SDK2: variants seen among roughly 807,000 people sequenced by gnomAD.
SDK2 encodes the protein sidekick cell adhesion molecule 2, also known as protein sidekick-2.
SDK2 carries 105 observed loss-of-function variants against 253.9 expected under a neutral mutation model. The observed-to-expected ratio is 0.41, with a 90% CI of 0.35 to 0.49. The LOEUF is 0.49. Among genes scored for constraint, SDK2 ranks in the 20% least tolerant of loss-of-function variants. SDK2 has a pLI of 0.06. For missense variants in SDK2, 2,608 were observed against 3,003.0 expected (o/e 0.87, Z 3.07); for synonymous variants, 1,249 against 1,234.9 (o/e 1.01, Z -0.24).
intron 18 of SDK2, among the ~76,000 whole-genome samples, chr17:73,413,761 A>T (rs2063157726): frequency 6.6e-6 from 1 of 152,236 alleles, no homozygotes; most frequent in Non-Finnish European, 1.5e-5. Flanking sequence ...CGGTGCGAGC[A>T]GTGCATAGAG....
intron 1 of SDK2, among the ~76,000 whole-genome samples, chr17:73,515,449 C>T (rs764758519): frequency 1.3e-5 from 2 of 152,136 alleles, no homozygotes; most frequent in Non-Finnish European, 2.9e-5. Flanking sequence ...GCGAAACAGG[C>T]GGCCCAGCTG....
At chr17:73,578,060 CT>C (rs34300652) in intron 1 of SDK2, among the ~76,000 whole-genome samples, 26,077 of 138,818 alleles carry the variant, frequency 0.19, 2,312 homozygotes, top group African/African-American at 0.24. Context: ...CTATGGACAT[CT>C]TTTTTTTTTT....
chr17:73,595,483 T>C (rs2045744066), intron 1 of SDK2, among the ~76,000 whole-genome samples: 1 of 152,152 alleles, frequency 6.6e-6, no homozygotes, highest in South Asian at 2.1e-4. Context: ...CACACAGCCA[T>C]GAGTCTGGGC....
rs983322257 is a variant in SDK2 at position 73,447,822 on chromosome 17, C to T, written c.480-74G>A. The T allele has an allele frequency of 7.2e-6, 11 of 1,528,114 alleles. No individual in the cohort carries two copies. Among genetic ancestry groups the T allele is most frequent in the Non-Finnish European group, 8.9e-6 (10 of 1,128,462 alleles). 94.7% of individuals were successfully genotyped at this position (1,528,114 alleles called of 1,614,324 possible). On this transcript the variant is annotated intron_variant, in intron 4 of 44. Transcript: ENST00000392650. The surrounding 1 kb of genome is among the most constrained non-coding windows in gnomAD (Gnocchi z 4.0). ...ACCTCCAGGGAGTGGGAGTGGAAAC[C>T]CTAAGGGGGAAGCCCGACCATATCT... is the stretch of plus-strand genomic sequence containing the variant.
At chr17:73,542,002 G>T (rs759922845) in intron 1 of SDK2, among the ~76,000 whole-genome samples, 1 of 152,212 alleles carries the variant, frequency 6.6e-6, no homozygotes, top group African/African-American at 2.4e-5. Flanking sequence ...GGAGTGTCGC[G>T]ACAAGGATTA....
intron 44 of SDK2, among the ~76,000 whole-genome samples, chr17:73,343,068 A>G (rs904385): frequency 0.92 from 139,959 of 152,266 alleles, 65,352 homozygotes; most frequent in Non-Finnish European, 1. Context: ...TCCAAGACAG[A>G]GGCATGTCCG....
chr17:73,393,185 T>C (rs1007070364), intron 27 of SDK2, among the ~76,000 whole-genome samples: 10 of 134,228 alleles, frequency 7.5e-5, no homozygotes, highest in Middle Eastern at 0.012. Context: ...GCGGAGGTTG[T>C]AGTGGGCCAA....
At chr17:73,510,873 G>A (rs994671722) in intron 1 of SDK2, among the ~76,000 whole-genome samples, 6 of 152,176 alleles carry the variant, frequency 3.9e-5, no homozygotes, top group South Asian at 4.1e-4. Context: ...TCAGGTGAAC[G>A]CAGCGTCTTA....
At position 73,455,268 on chromosome 17, in the gene SDK2, C is replaced by A. The variant is rs879394732; in HGVS notation, c.479+638G>T. Among the ~76,000 whole-genome samples the A allele has an allele frequency of 6.6e-6, 1 of 152,116 alleles. No individual in the cohort carries two copies. Among genetic ancestry groups the A allele is most frequent in the African/African-American group, 2.4e-5 (1 of 41,428 alleles). On this transcript the variant is annotated intron_variant, in intron 4 of 44. Transcript: ENST00000392650. The surrounding 1 kb of genome is among the most constrained non-coding windows in gnomAD (Gnocchi z 5.0). ...GGAGGGCGGGGAGACGGGTGTATCT[C>A]GGGAGGAACTGCTTTGTTGCTCGCC...
intron 1 of SDK2, among the ~76,000 whole-genome samples, chr17:73,584,080 G>A (rs2045572062): frequency 6.6e-6 from 1 of 152,210 alleles, no homozygotes. Context: ...CTAGCAGTAC[G>A]GACGGAGAGG....
rs200642922 is a variant in SDK2, at chr17:73,425,087, G to A, written c.1584-995C>T. Among the ~76,000 whole-genome samples, 12 of 152,262 alleles carry A rather than the reference G, an allele frequency of 7.9e-5. No homozygotes were observed. The East Asian group carries it at 1.5e-3, about 20-fold the overall frequency. ...ATACAGAAATTTGCCGGGCGTGGTG[G>A]CCAGTGCCTGTAATCCCAGCTACTC... On this transcript the variant is annotated intron_variant, in intron 12 of 44. Coordinates refer to ENST00000392650, the MANE Select transcript of SDK2 (RefSeq NM_001144952.2).
intron 3 of SDK2, among the ~76,000 whole-genome samples, chr17:73,466,880 G>T (rs910204534): frequency 6.6e-6 from 1 of 152,158 alleles, no homozygotes; most frequent in Admixed American, 6.5e-5. Context: ...GAAAACTGAG[G>T]TCCAGAGAGG....
At chr17:73,415,766 C>T (rs759768643) in intron 17 of SDK2, 45 bp downstream of exon 17, 162 of 1,506,014 alleles carry the variant, frequency 1.1e-4, no homozygotes, top group Admixed American at 2.8e-4. Context: ...TAGGATTACA[C>T]GCATGAGCCA....
intron 1 of SDK2, among the ~76,000 whole-genome samples, chr17:73,613,612 C>T (rs1457543587): frequency 2.6e-5 from 4 of 151,008 alleles, no homozygotes; most frequent in Non-Finnish European, 5.9e-5. Flanking sequence ...CCCCCAGCCC[C>T]CTCCCCCTAC....
chr17:73,531,048 CT>C (rs1423143107), intron 1 of SDK2, among the ~76,000 whole-genome samples: 1 of 152,186 alleles, frequency 6.6e-6, no homozygotes, highest in East Asian at 1.9e-4. Flanking sequence ...CCTTCCCTGC[CT>C]TCCTCCTGTG....
At chr17:73,575,896 G>C (rs754049769) in intron 1 of SDK2, among the ~76,000 whole-genome samples, 4 of 152,138 alleles carry the variant, frequency 2.6e-5, no homozygotes, top group African/African-American at 4.8e-5. Flanking sequence ...CAGTCTCAAG[G>C]GGGAGAGGAG....
At chr17:73,376,147 T>C (rs896881304) in intron 36 of SDK2, among the ~76,000 whole-genome samples, 69 of 151,652 alleles carry the variant, frequency 4.5e-4, no homozygotes, top group African/African-American at 1.6e-3. Context: ...TGAGCTGAGA[T>C]TGCACCACTG....
intron 6 of SDK2, 100 bp from the exon 7 acceptor site, chr17:73,438,254 G>C: frequency 8.4e-7 from 1 of 1,184,946 alleles, no homozygotes; most frequent in South Asian, 1.6e-5. Flanking sequence ...TGGGAGCCGG[G>C]CTGCCTGGGT....
chr17:73,437,800 C>A lies in SDK2; in HGVS notation c.939G>T (p.Glu313Asp). The part of the protein sequence containing the change: ...SVLEPPQFVK[E>D]PERHITAEME... The stretch of plus-strand genomic sequence containing the variant: ...TCTCCGCAGTGATGTGTCTTTCTGG[C>A]TCCTTGACAAACTGAGGCGGTTCTG... The change falls in exon 8 of 45, where the codon GAG becomes GAT. Residue 313 changes from glutamate (E) to aspartate (D), a missense_variant. Glu to Asp is a conservative substitution (Grantham distance 45). Around this residue, in one of 2 missense-constraint regions of SDK2, gnomAD observed 1,505 missense variants for 1,859.1 expected, o/e 0.81. Transcript: ENST00000392650. 5 of 1,613,990 alleles carry A rather than the reference C, an allele frequency of 3.1e-6. No homozygotes were observed. Among genetic ancestry groups the A allele is most frequent in the Non-Finnish European group, 3.4e-6 (4 of 1,179,876 alleles).
Sources: allele counts gnomAD v4.1 joint callset (sites outside exome capture counted in the v4.1 genomes callset), GRCh38; gene constraint gnomAD v4.1.1; regional missense constraint gnomAD v4.1.1; non-coding constraint Gnocchi (gnomAD v3.1); transcripts MANE v1.5; gene names NCBI Gene and HGNC (gene_info 2026-07-23, HGNC 2026-07-21).